Variants in METTL15 observed in about 807,000 individuals in gnomAD.
METTL15 encodes methyltransferase 15, mitochondrial 12S rRNA N4-cytidine.
METTL15 carries 34 observed loss-of-function variants against 38.3 expected under a neutral mutation model. The ratio of observed to expected loss-of-function variants is 0.89; its 90% CI spans 0.68 to 1.18. METTL15 has a LOEUF of 1.18. Among genes scored for constraint, METTL15 ranks in the 50% most tolerant of loss-of-function variants. The pLI is 0.00. For missense variants in METTL15, 438 were observed against 498.4 expected (o/e 0.88, Z 1.15); for synonymous variants, 162 against 170.9 (o/e 0.95, Z 0.41).
chr11:28,429,443 A>G (rs1850894095), intron 6 of METTL15, among the ~76,000 whole-genome samples: 1 of 117,720 alleles, frequency 8.5e-6, no homozygotes, highest in Non-Finnish European at 1.7e-5. Context: ...TACTGCTGCC[A>G]TCTCGGCTCA....
chr11:28,292,336 G>A (rs1411922272), intron 5 of METTL15, among the ~76,000 whole-genome samples: 1 of 150,988 alleles, frequency 6.6e-6, no homozygotes, highest in Non-Finnish European at 1.5e-5. Flanking sequence ...GCTATAGTTT[G>A]CTGAGAATGA....
At chr11:28,279,202 G>C (rs1307444892) in intron 4 of METTL15, among the ~76,000 whole-genome samples, 2 of 152,096 alleles carry the variant, frequency 1.3e-5, no homozygotes. Context: ...ATTGTATTTT[G>C]ATAATAGTGT....
intron 3 of METTL15, among the ~76,000 whole-genome samples, chr11:28,137,853 C>G (rs1185309783): frequency 6.6e-6 from 1 of 151,164 alleles, no homozygotes; most frequent in Admixed American, 6.6e-5. Context: ...TCAATTAGAG[C>G]TATTTTTTAT....
intron 5 of METTL15, among the ~76,000 whole-genome samples, chr11:28,396,092 T>C (rs1715930718): frequency 6.6e-6 from 1 of 152,152 alleles, no homozygotes; most frequent in South Asian, 2.1e-4. Context: ...TGATGGGACG[T>C]ATCTCAAAAT....
intron 3 of METTL15, among the ~76,000 whole-genome samples, chr11:28,124,840 C>T (rs1460052833): frequency 6.6e-6 from 1 of 152,020 alleles, no homozygotes; most frequent in Non-Finnish European, 1.5e-5. Context: ...TTTAAATGAC[C>T]TATATAATGG....
At chr11:28,205,556 T>A (rs1028154103) in intron 3 of METTL15, among the ~76,000 whole-genome samples, 1 of 152,024 alleles carries the variant, frequency 6.6e-6, no homozygotes, top group African/African-American at 2.4e-5. Flanking sequence ...GAATAGTGCC[T>A]CAATAAACAT....
intron 6 of METTL15, among the ~76,000 whole-genome samples, chr11:28,312,175 A>C (rs1031810324): frequency 1.3e-5 from 2 of 152,228 alleles, no homozygotes; most frequent in South Asian, 2.1e-4. Flanking sequence ...TCACATAATA[A>C]GCTGTAAGCT....
intron 6 of METTL15, among the ~76,000 whole-genome samples, chr11:28,466,478 C>CATGG (rs1192799792): frequency 2.6e-5 from 4 of 152,160 alleles, no homozygotes; most frequent in East Asian, 3.9e-4. Context: ...GCACAGAAAC[C>CATGG]ATGGCCACAC....
intron 4 of METTL15, among the ~76,000 whole-genome samples, chr11:28,269,978 A>T (rs1341938886): frequency 6.6e-6 from 1 of 152,212 alleles, no homozygotes; most frequent in African/African-American, 2.4e-5. Flanking sequence ...AAACATTGCT[A>T]AACTTGTGTT....
chr11:28,115,359 A>G (rs778000739), intron 3 of METTL15, among the ~76,000 whole-genome samples: 10 of 151,740 alleles, frequency 6.6e-5, no homozygotes, highest in Non-Finnish European at 1.5e-4. Context: ...CCCGGGTTCA[A>G]TTGATTCTCC....
intron 6 of METTL15, among the ~76,000 whole-genome samples, chr11:28,511,013 G>A (rs148281655): frequency 9.2e-5 from 14 of 152,276 alleles, no homozygotes; most frequent in African/African-American, 2.6e-4. Context: ...GTGATGTATC[G>A]TAGACTTCTT....
chr11:28,410,524 T>A (rs1489758663), intron 5 of METTL15, among the ~76,000 whole-genome samples: 2 of 152,118 alleles, frequency 1.3e-5, no homozygotes, highest in Admixed American at 6.5e-5. Context: ...TATAAACACT[T>A]GATCATCTCA....
intron 6 of METTL15, among the ~76,000 whole-genome samples, chr11:28,430,045 C>T (rs1419797963): frequency 6.9e-6 from 1 of 145,272 alleles, no homozygotes; most frequent in Non-Finnish European, 1.5e-5. Context: ...TCTGCCCGGC[C>T]GAGACCCCAT....
chr11:28,440,486 G>A (rs573268029), intron 6 of METTL15, among the ~76,000 whole-genome samples: 26 of 152,208 alleles, frequency 1.7e-4, no homozygotes, highest in East Asian at 1.5e-3. Flanking sequence ...ATTCAGACTG[G>A]CCTTGTTTAA....
intron 3 of METTL15, among the ~76,000 whole-genome samples, chr11:28,131,501 ATTT>A (rs370387962): frequency 6.0e-5 from 7 of 117,536 alleles, no homozygotes; most frequent in Admixed American, 1.8e-4. Flanking sequence ...ACTTCCAAGC[ATTT>A]TTTTTTTTTT....
At chr11:28,231,121 C>A (rs1197708555) in intron 4 of METTL15, among the ~76,000 whole-genome samples, 1 of 151,820 alleles carries the variant, frequency 6.6e-6, no homozygotes, top group African/African-American at 2.4e-5. Flanking sequence ...TGTTTTGGGG[C>A]AGATATTAAA....
intron 6 of METTL15, among the ~76,000 whole-genome samples, chr11:28,476,943 T>C (rs908664353): frequency 1.3e-5 from 2 of 152,142 alleles, no homozygotes; most frequent in Non-Finnish European, 2.9e-5. Context: ...AATTTAAAAC[T>C]ATGAAGCAGC....
intron 5 of METTL15, among the ~76,000 whole-genome samples, chr11:28,394,039 T>A (rs1215516928): frequency 6.6e-6 from 1 of 152,110 alleles, no homozygotes; most frequent in Non-Finnish European, 1.5e-5. Context: ...TAATTACCTT[T>A]TTATGTGTCT....
chr11:28,420,186 T>A (rs749353485), intron 5 of METTL15, among the ~76,000 whole-genome samples: 1 of 152,038 alleles, frequency 6.6e-6, no homozygotes, highest in Non-Finnish European at 1.5e-5. Flanking sequence ...TTAAAATATA[T>A]ACGCACCAAC....
Sources: gnomAD v4.1 joint callset for allele counts (sites outside exome capture counted in the v4.1 genomes callset) on GRCh38, gnomAD v4.1.1 for gene constraint, MANE v1.5 for transcripts, NCBI Gene and HGNC (gene_info 2026-07-23, HGNC 2026-07-21) for gene names.